PLEKHG1: variants seen among roughly 807,000 people sequenced by gnomAD.
The protein encoded by PLEKHG1 is pleckstrin homology and RhoGEF domain containing G1, also known as pleckstrin homology domain-containing family G member 1.
In PLEKHG1, 44 loss-of-function variants were observed where a neutral mutation model predicts 100.8. The ratio of observed to expected loss-of-function variants is 0.44; its 90% CI spans 0.34 to 0.56. The LOEUF is 0.56. Among genes scored for constraint, PLEKHG1 ranks in the 20% least tolerant of loss-of-function variants. The pLI, the probability that PLEKHG1 is intolerant of heterozygous loss-of-function variation, is 0.01. For synonymous variants in PLEKHG1, 640 were observed against 662.5 expected (o/e 0.97, Z 0.52); for missense variants, 1,545 against 1,720.9 (o/e 0.90, Z 1.81).
At chr6:150,783,742 C>CT (rs947087068) in intron 3 of PLEKHG1, among the ~76,000 whole-genome samples, 78 of 152,066 alleles carry the variant, frequency 5.1e-4, no homozygotes, top group African/African-American at 1.8e-3. Flanking sequence ...ACTGAAAAAG[C>CT]TTTTTTGTTT....
At chr6:150,656,479 G>C (rs1451540154) in intron 3 of PLEKHG1, among the ~76,000 whole-genome samples, 2 of 152,096 alleles carry the variant, frequency 1.3e-5, no homozygotes, top group Non-Finnish European at 2.9e-5. Context: ...TGGGATTTCA[G>C]TAAGGTTAAT....
chr6:150,645,149 A>T (rs1459801840), intron 2 of PLEKHG1, among the ~76,000 whole-genome samples: 1 of 152,232 alleles, frequency 6.6e-6, no homozygotes, highest in African/African-American at 2.4e-5. Flanking sequence ...ACCAAAAAAT[A>T]GTAATCTTGA....
At chr6:150,810,463 C>CA (rs754399375) in intron 10 of PLEKHG1, among the ~76,000 whole-genome samples, 3 of 124,626 alleles carry the variant, frequency 2.4e-5, no homozygotes, top group African/African-American at 6.4e-5. Context: ...GACCCTGTCT[C>CA]AAAAAAAAGA....
intron 2 of PLEKHG1, among the ~76,000 whole-genome samples, chr6:150,752,541 G>A (rs1180488921): frequency 1.3e-5 from 2 of 152,118 alleles, no homozygotes; most frequent in African/African-American, 2.4e-5. Context: ...AACCTTACAG[G>A]ATTTGTCCTT....
chr6:150,621,708 A>G (rs571703116), intron 1 of PLEKHG1, among the ~76,000 whole-genome samples: 4 of 152,298 alleles, frequency 2.6e-5, no homozygotes, highest in South Asian at 2.1e-4. Context: ...TAAGCCCGCA[A>G]TTTGAAAACT....
At chr6:150,769,242 C>G (rs149467614) in intron 3 of PLEKHG1, among the ~76,000 whole-genome samples, 1 of 151,902 alleles carries the variant, frequency 6.6e-6, no homozygotes. Context: ...AAATAGTAAA[C>G]AAGACAGAGA....
At chr6:150,777,274 G>A (rs906535604) in intron 3 of PLEKHG1, among the ~76,000 whole-genome samples, 36 of 150,092 alleles carry the variant, frequency 2.4e-4, no homozygotes, top group Non-Finnish European at 3.4e-4. Flanking sequence ...GCACATGTGC[G>A]GTTGCACATC....
At chr6:150,754,897 C>T (rs1057291891) in intron 2 of PLEKHG1, among the ~76,000 whole-genome samples, 4 of 151,962 alleles carry the variant, frequency 2.6e-5, no homozygotes, top group Non-Finnish European at 5.9e-5. Context: ...CTCAAACTCC[C>T]GACCTCAGGT....
chr6:150,707,828 C>T (rs545241179), intron 3 of PLEKHG1, among the ~76,000 whole-genome samples: 1 of 152,312 alleles, frequency 6.6e-6, no homozygotes, highest in Admixed American at 6.5e-5. Flanking sequence ...GGTAAAGTCA[C>T]TTTAAAAGAT....
At chr6:150,609,998 G>A (rs1231416903) in intron 1 of PLEKHG1, among the ~76,000 whole-genome samples, 1 of 152,178 alleles carries the variant, frequency 6.6e-6, no homozygotes, top group Admixed American at 6.5e-5. Flanking sequence ...GTGATGCTGT[G>A]ACGCGATGCT....
intron 3 of PLEKHG1, among the ~76,000 whole-genome samples, chr6:150,785,310 A>G (rs1285187961): frequency 6.6e-6 from 1 of 152,214 alleles, no homozygotes; most frequent in Non-Finnish European, 1.5e-5. Flanking sequence ...TATTAAATAT[A>G]TAGCATATGA....
rs386408930 is a variant in PLEKHG1, at chr6:150,764,123, C to CTT, written c.412-4505_412-4504dup. ...TCTCTCCTATTTTCTTTTTCTTTTT[C>CTT]TTTTTTTTTTTAAGACAGAGTTTAG... On this transcript the variant is annotated intron_variant, in intron 2 of 15. Transcript: ENST00000358517. Among the ~76,000 whole-genome samples the CTT allele has an allele frequency of 6.4e-3, 935 of 146,278 alleles. 17 individuals are homozygous for CTT. Among genetic ancestry groups the CTT allele is most frequent in the African/African-American group, 0.022 (889 of 39,612 alleles).
At chr6:150,689,855 C>CAAAAAAAA (rs58356927) in intron 3 of PLEKHG1, among the ~76,000 whole-genome samples, 1 of 84,678 alleles carries the variant, frequency 1.2e-5, no homozygotes, top group African/African-American at 4.3e-5. Flanking sequence ...AACTCTGTCT[C>CAAAAAAAA]AAAAAAAAAA....
intron 3 of PLEKHG1, among the ~76,000 whole-genome samples, chr6:150,779,344 G>GTTTGTTTTTTTTTTTTTTTTTTTT (rs1257363893): frequency 1.9e-5 from 2 of 104,536 alleles, no homozygotes; most frequent in African/African-American, 4.3e-5. Flanking sequence ...TTGTCAAGAA[G>GTTTGTTTTTTTTTTTTTTTTTTTT]TTTTTTTTTT....
intron 2 of PLEKHG1, among the ~76,000 whole-genome samples, chr6:150,752,852 CT>C (rs1026596552): frequency 6.6e-6 from 1 of 152,142 alleles, no homozygotes; most frequent in Non-Finnish European, 1.5e-5. Context: ...TGGCTCGTGC[CT>C]GTAATCCCAG....
chr6:150,840,803 C>T lies in PLEKHG1; in HGVS notation c.4065C>T (p.Asp1355=), dbSNP rs746652388. Residue 1355 remains aspartate, a synonymous_variant, in exon 16 of 16, where the codon GAC becomes GAT. Transcript: ENST00000358517. ...ATAATGATTCTGACAAACTGAATGACTATCTTTGGAGGGGGCCATCTCCCA... is the reference window on the plus strand; with the variant it reads ...ATAATGATTCTGACAAACTGAATGATTATCTTTGGAGGGGGCCATCTCCCA... 24 of 1,613,984 alleles carry T rather than the reference C, an allele frequency of 1.5e-5. No homozygotes were observed. In the Admixed American group the frequency reaches 4.0e-4, roughly 27 times the overall value.
intron 1 of PLEKHG1, among the ~76,000 whole-genome samples, chr6:150,614,448 A>G (rs1274056555): frequency 6.6e-6 from 1 of 152,230 alleles, no homozygotes; most frequent in Non-Finnish European, 1.5e-5. Context: ...ACATGTAATA[A>G]TAATGGAGAA....
intron 3 of PLEKHG1, among the ~76,000 whole-genome samples, chr6:150,680,317 G>A (rs995582570): frequency 2.0e-5 from 3 of 152,184 alleles, no homozygotes; most frequent in African/African-American, 7.2e-5. Context: ...ATGGAAAAAA[G>A]GTGGAAAGGA....
In PLEKHG1 at chr6:150,841,707, T is replaced by G. The variant is rs927778341; in HGVS notation, c.*811T>G. 72 of 152,356 alleles carry G rather than the reference T, an allele frequency of 4.7e-4. 1 individual carries two copies. The highest frequency in any genetic ancestry group is 1.7e-3 in the African/African-American group (69 of 41,578). 9.4% of individuals were successfully genotyped at this position (152,356 alleles called of 1,614,324 possible). ...ATGACTTCTGGGAACCACTTAACTC[T>G]TCAAATGACTGTTGAAAGAGAAAAA... On this transcript the variant is annotated 3_prime_UTR_variant, in exon 16 of 16. Coordinates refer to ENST00000358517, the Ensembl canonical transcript of PLEKHG1.
Sources: allele counts gnomAD v4.1 joint callset (sites outside exome capture counted in the v4.1 genomes callset), GRCh38; gene constraint gnomAD v4.1.1; transcripts MANE v1.5; gene names NCBI Gene and HGNC (gene_info 2026-07-23, HGNC 2026-07-21).